Variants in PDE1A observed in about 807,000 individuals in gnomAD.
The protein encoded by PDE1A is phosphodiesterase 1A.
A neutral mutation model predicts 61.7 loss-of-function variants in PDE1A; 35 were observed. The observed-to-expected ratio is 0.57, with a 90% CI of 0.43 to 0.75. The LOEUF is 0.75. Ranked by LOEUF, PDE1A falls within the 30% of genes least tolerant of loss-of-function variation. The probability of loss-of-function intolerance (pLI) is 0.00; values close to 1 mark genes in which losing one functional copy is unlikely to be tolerated. For missense variants in PDE1A, 597 were observed against 630.6 expected, an observed-to-expected ratio of 0.95 and a Z score of 0.57; for synonymous variants, 232 against 213.2, an observed-to-expected ratio of 1.09 and a Z score of -0.77.
intron 1 of PDE1A, among the ~76,000 whole-genome samples, chr2:182,284,566 T>C: frequency 6.6e-6 from 1 of 152,118 alleles, no homozygotes; most frequent in East Asian, 1.9e-4. Flanking sequence ...AATTATCAGA[T>C]ACACAACAAA....
At chr2:182,530,220 G>A in the PDE1A span, among the ~76,000 whole-genome samples, 1 of 132,122 alleles carries the variant, frequency 7.6e-6, no homozygotes, top group African/African-American at 2.5e-5. Flanking sequence ...GGCAACAAGA[G>A]ACAGTATCCT....
At chr2:182,316,384 A>T (rs1696342569) in intron 1 of PDE1A, among the ~76,000 whole-genome samples, 1 of 152,194 alleles carries the variant, frequency 6.6e-6, no homozygotes, top group African/African-American at 2.4e-5. Flanking sequence ...AACAGGAATT[A>T]TTATCACTAT....
In PDE1A at chr2:182,443,209, T is replaced by TA. The variant is rs201489560; in HGVS notation, c.101+79066dup. Among the ~76,000 whole-genome samples, 100 of 146,540 alleles carry TA rather than the reference T, an allele frequency of 6.8e-4. 2 individuals are homozygous for TA. In the East Asian group the frequency reaches 0.013, roughly 19 times the overall value. On this transcript the variant is annotated intron_variant, in intron 2 of 14. Transcript: ENST00000410103. ...ACACACATTATCTTTGAGAATCAAC[T>TA]AAAAAAAAAACCCTTAAGGATAAAA... is the stretch of plus-strand genomic sequence containing the variant.
chr2:182,328,000 C>CGTTT (rs1299266934), intron 1 of PDE1A, among the ~76,000 whole-genome samples: 1 of 152,064 alleles, frequency 6.6e-6, no homozygotes, highest in Non-Finnish European at 1.5e-5. Context: ...GGCTCTTCTA[C>CGTTT]GTTTATAGGA....
the PDE1A span, among the ~76,000 whole-genome samples, chr2:182,649,049 GGTGT>G: frequency 3.9e-5 from 6 of 152,142 alleles, no homozygotes; most frequent in African/African-American, 9.7e-5. Context: ...AAAATTGTGA[GGTGT>G]GTGTAAGTGG....
chr2:182,576,247 C>A, the PDE1A span, among the ~76,000 whole-genome samples: 2 of 152,080 alleles, frequency 1.3e-5, no homozygotes, highest in African/African-American at 4.8e-5. Flanking sequence ...CACCTAGTAA[C>A]CACCCTTCTA....
At chr2:182,299,073 T>C (rs1695065678) in intron 1 of PDE1A, among the ~76,000 whole-genome samples, 1 of 152,010 alleles carries the variant, frequency 6.6e-6, no homozygotes, top group Admixed American at 6.6e-5. Context: ...AGCAAATGTG[T>C]AGAGTATCAA....
chr2:182,325,074 G>C (rs1055058484), intron 1 of PDE1A, among the ~76,000 whole-genome samples: 1 of 152,072 alleles, frequency 6.6e-6, no homozygotes, highest in East Asian at 1.9e-4. Context: ...ACACATCAGG[G>C]CTAAAATCCC....
intron 2 of PDE1A, among the ~76,000 whole-genome samples, chr2:182,487,603 A>T (rs927173457): frequency 8.5e-5 from 13 of 152,190 alleles, no homozygotes; most frequent in African/African-American, 3.1e-4. Flanking sequence ...GATATCCACT[A>T]CAAAAACACT....
chr2:182,197,196 T>C (rs1242853948), intron 10 of PDE1A, among the ~76,000 whole-genome samples: 1 of 151,926 alleles, frequency 6.6e-6, no homozygotes, highest in Non-Finnish European at 1.5e-5. Flanking sequence ...CATACTTGTA[T>C]GTAAGTATTA....
At chr2:182,239,976 G>A (rs1376700602) in intron 3 of PDE1A, 134 bp downstream of exon 3, 7 of 661,074 alleles carry the variant, frequency 1.1e-5, no homozygotes, top group Non-Finnish European at 1.6e-5. Context: ...TCCCAAATTT[G>A]TTCATTCTAG....
the PDE1A span, among the ~76,000 whole-genome samples, chr2:182,582,914 G>A: frequency 6.6e-6 from 1 of 152,148 alleles, no homozygotes; most frequent in African/African-American, 2.4e-5. Context: ...GCTGATATTT[G>A]AATATTTCAT....
intron 2 of PDE1A, among the ~76,000 whole-genome samples, chr2:182,257,549 A>C (rs989572874): frequency 6.6e-6 from 1 of 152,208 alleles, no homozygotes; most frequent in African/African-American, 2.4e-5. Context: ...AGTAATGCTC[A>C]AGCTTGTCTT....
chr2:182,159,398 A>C (rs778671418), intron 13 of PDE1A, among the ~76,000 whole-genome samples: 103 of 152,240 alleles, frequency 6.8e-4, no homozygotes, highest in Middle Eastern at 6.8e-3. Context: ...TGGATTTGGG[A>C]GATATTTGGG....
intron 2 of PDE1A, among the ~76,000 whole-genome samples, chr2:182,450,567 A>AC (rs767969860): frequency 6.6e-6 from 1 of 151,294 alleles, no homozygotes; most frequent in African/African-American, 2.4e-5. Context: ...AAAAAAAAAA[A>AC]CCAACATTAC....
the PDE1A span, among the ~76,000 whole-genome samples, chr2:182,714,332 TCTG>T: frequency 6.6e-6 from 1 of 152,190 alleles, no homozygotes; most frequent in Non-Finnish European, 1.5e-5. Flanking sequence ...CTTTGGGTGA[TCTG>T]ATGATTTTTC....
intron 1 of PDE1A, among the ~76,000 whole-genome samples, chr2:182,279,063 C>T (rs1693630359): frequency 1.3e-5 from 2 of 151,720 alleles, no homozygotes; most frequent in Admixed American, 1.3e-4. Flanking sequence ...AAACAATAAC[C>T]AAAATCCTAA....
chr2:182,186,586 A>C, exon 12 of PDE1A: 1 of 1,599,040 alleles, frequency 6.3e-7, no homozygotes, highest in East Asian at 2.2e-5. Flanking sequence ...AAATCGATGA[A>C]ACCTACAAAA....
chr2:182,207,306 G>A (rs1687190170), intron 7 of PDE1A, among the ~76,000 whole-genome samples: 1 of 152,192 alleles, frequency 6.6e-6, no homozygotes, highest in Non-Finnish European at 1.5e-5. Context: ...ACTTATTTGG[G>A]ACTCTGAGTA....
Sources: gnomAD v4.1 joint callset for allele counts (sites outside exome capture counted in the v4.1 genomes callset) on GRCh38, gnomAD v4.1.1 for gene constraint, MANE v1.5 for transcripts, NCBI Gene and HGNC (gene_info 2026-07-23, HGNC 2026-07-21) for gene names.